Variants in ENTREP3 observed in about 807,000 individuals in gnomAD.
The protein encoded by ENTREP3 is endosomal transmembrane epsin interactor 3.
chr1:155,251,116 G>A, the ENTREP3 span: 21 of 1,612,578 alleles, frequency 1.3e-5, no homozygotes, highest in Admixed American at 1.7e-5. Context: ...GAGGCCACTC[G>A]TTCACAGATG....
the ENTREP3 span, chr1:155,252,719 TATA>T: frequency 2.3e-4 from 13 of 56,466 alleles, no homozygotes; most frequent in Non-Finnish European, 2.9e-4. Context: ...TATATATATA[TATA>T]TTTTTTTTTT....
the ENTREP3 span, chr1:155,253,533 G>T: frequency 2.4e-6 from 2 of 835,818 alleles, no homozygotes; most frequent in Non-Finnish European, 3.9e-6. Context: ...TCAAAAGCCA[G>T]ATCTGTAGCC....
the ENTREP3 span, chr1:155,251,232 CT>C: frequency 7.7e-7 from 1 of 1,294,756 alleles, no homozygotes; most frequent in Non-Finnish European, 1.1e-6. Context: ...AGACAGAGCT[CT>C]GGAGACTTAG....
the ENTREP3 span, chr1:155,254,381 A>T: frequency 3.1e-6 from 5 of 1,613,636 alleles, no homozygotes; most frequent in Non-Finnish European, 4.2e-6. This position sits in a 1 kb window ranked among gnomAD's most constrained non-coding sequence, Gnocchi z 4.4. Context: ...CCCAGTGGGC[A>T]CTGGACCCTG....
chr1:155,248,448 T>C, the ENTREP3 span: 4 of 1,613,726 alleles, frequency 2.5e-6, no homozygotes, highest in Non-Finnish European at 3.4e-6. Context: ...CCTCAAGCAC[T>C]TTGGTATAAA....
the ENTREP3 span, chr1:155,253,412 C>G: frequency 1.8e-6 from 1 of 565,112 alleles, no homozygotes. Flanking sequence ...TGGTCCCAGA[C>G]CAGCATCACA....
At chr1:155,250,655 G>C in the ENTREP3 span, 1 of 1,612,114 alleles carries the variant, frequency 6.2e-7, no homozygotes, top group Non-Finnish European at 8.5e-7. This position sits in a 1 kb window ranked among gnomAD's most constrained non-coding sequence, Gnocchi z 5.4. Flanking sequence ...CACAGTCCAG[G>C]CTGAGGCAGT....
chr1:155,248,413 G>T, the ENTREP3 span: 1 of 1,614,024 alleles, frequency 6.2e-7, no homozygotes, highest in Non-Finnish European at 8.5e-7. Flanking sequence ...ACCTGTATCT[G>T]CAGAGGAAAC....
the ENTREP3 span, chr1:155,247,810 T>TTGAGGC: frequency 6.8e-7 from 1 of 1,469,716 alleles, no homozygotes; most frequent in Non-Finnish European, 9.0e-7. Flanking sequence ...GCTGCCCCCG[T>TTGAGGC]TGAGGCTGAG....
the ENTREP3 span, chr1:155,248,108 A>C: frequency 1.2e-6 from 2 of 1,614,162 alleles, no homozygotes; most frequent in Admixed American, 3.3e-5. Flanking sequence ...GGATATCTGG[A>C]GGAAACGAGT....
the ENTREP3 span, chr1:155,248,104 C>T: frequency 1.2e-6 from 2 of 1,614,174 alleles, no homozygotes; most frequent in Non-Finnish European, 1.7e-6. Flanking sequence ...TCCTGGATAT[C>T]TGGAGGAAAC....
the ENTREP3 span, chr1:155,252,206 CCTT>C: frequency 2.5e-5 from 8 of 319,158 alleles, no homozygotes; most frequent in Non-Finnish European, 4.2e-5. Context: ...CCATCTAGGA[CCTT>C]CTTTTTTTTT....
chr1:155,254,492 G>A, the ENTREP3 span: 1 of 1,612,956 alleles, frequency 6.2e-7, no homozygotes, highest in Non-Finnish European at 8.5e-7. The surrounding 1 kb of genome is among the most constrained non-coding windows in gnomAD (Gnocchi z 4.4). Flanking sequence ...AGCCTGGCAG[G>A]GGAGGCTCCT....
At chr1:155,253,377 T>C in the ENTREP3 span, 6 of 505,252 alleles carry the variant, frequency 1.2e-5, no homozygotes, top group South Asian at 1.6e-4. Flanking sequence ...CACCATCCAG[T>C]CCCATTCTCT....
chr1:155,255,095 C>G, the ENTREP3 span: 10 of 594,158 alleles, frequency 1.7e-5, no homozygotes, highest in African/African-American at 1.7e-4. The surrounding 1 kb of genome is among the most constrained non-coding windows in gnomAD (Gnocchi z 5.6). Flanking sequence ...CTCCCCACCA[C>G]GGGCACTGGA....
At chr1:155,248,553 G>GTT in the ENTREP3 span, 1 of 1,247,414 alleles carries the variant, frequency 8.0e-7, no homozygotes, top group South Asian at 1.2e-5. Context: ...GGGAACTCAA[G>GTT]CCCAGAGGAG....
At chr1:155,253,973 T>C in the ENTREP3 span, 1 of 1,612,774 alleles carries the variant, frequency 6.2e-7, no homozygotes, top group Non-Finnish European at 8.5e-7. Context: ...CACAGACCTT[T>C]CCTTCCTGAG....
At chr1:155,251,625 A>G in the ENTREP3 span, 2 of 1,608,656 alleles carry the variant, frequency 1.2e-6, no homozygotes, top group Non-Finnish European at 1.7e-6. Flanking sequence ...AAGAGGGTCA[A>G]TGTAGGAGAA....
chr1:155,255,248 A>G, the ENTREP3 span: 10 of 340,244 alleles, frequency 2.9e-5, no homozygotes, highest in Non-Finnish European at 5.6e-5. This position sits in a 1 kb window ranked among gnomAD's most constrained non-coding sequence, Gnocchi z 5.6. Flanking sequence ...TGGGGAGGGT[A>G]AAAGCGGGAA....
Sources: gnomAD v4.1 joint callset for allele counts on GRCh38, gnomAD v4.1.1 for gene constraint, Gnocchi (gnomAD v3.1) non-coding constraint, MANE v1.5 for transcripts, NCBI Gene and HGNC (gene_info 2026-07-23, HGNC 2026-07-21) for gene names.